Variants in OTUD7A observed in about 807,000 individuals in gnomAD.
The protein encoded by OTUD7A is OTU deubiquitinase 7A.
A neutral mutation model predicts 65.7 loss-of-function variants in OTUD7A; 12 were observed. The ratio of observed to expected loss-of-function variants is 0.18; its 90% CI spans 0.12 to 0.30. OTUD7A has a LOEUF of 0.30. Ranked by LOEUF, OTUD7A falls within the 10% of genes least tolerant of loss-of-function variation. The pLI is 1.00. For missense variants in OTUD7A, 1,148 were observed against 1,304.8 expected (o/e 0.88, Z 1.85); for synonymous variants, 641 against 586.3 (o/e 1.09, Z -1.35).
intron 4 of OTUD7A, among the ~76,000 whole-genome samples, chr15:31,559,940 AC>A: frequency 6.6e-6 from 1 of 152,110 alleles, no homozygotes; most frequent in Non-Finnish European, 1.5e-5. Context: ...ATTAATCACC[AC>A]CACCTGGTAT....
At chr15:31,819,919 A>G (rs1213466759) in intron 1 of OTUD7A, among the ~76,000 whole-genome samples, 9 of 152,140 alleles carry the variant, frequency 5.9e-5, no homozygotes. Flanking sequence ...GAGTAGGTAT[A>G]CAGGCATTTT....
In OTUD7A at chr15:31,484,085, G is replaced by A; in HGVS notation, c.2011C>T (p.Arg671Cys). The change falls in exon 13 of 13, where the codon CGC becomes TGC. Residue 671 changes from arginine to cysteine, a missense_variant. By Grantham distance (180) the Arg-to-Cys change is radical (BLOSUM62 -3). This residue lies in a region of OTUD7A where 842 missense variants were observed against 769.5 expected (regional missense o/e 1.09). Coordinates refer to ENST00000307050, the MANE Select transcript of OTUD7A (RefSeq NM_001382637.1). The surrounding 1 kb of genome is among the most constrained non-coding windows in gnomAD (Gnocchi z 4.5). ...CGCTGCTCCTGCTCGGCGCTGAAGC[G>A]CTCCTGCGCGCTCGTCAGGTAGTAG... Reference protein sequence around the residue: ...IGYYLTSAQERFSAEQEQRRR... With the variant: ...IGYYLTSAQECFSAEQEQRRR... 1 of 1,597,444 alleles carries A rather than the reference G, an allele frequency of 6.3e-7. No individual in the cohort carries two copies. Among genetic ancestry groups the A allele is most frequent in the Admixed American group, 1.7e-5 (1 of 59,590 alleles).
At chr15:31,802,099 A>G (rs545451778) in intron 1 of OTUD7A, among the ~76,000 whole-genome samples, 1,193 of 49,274 alleles carry the variant, frequency 0.024, 15 homozygotes, top group African/African-American at 0.066. Flanking sequence ...ATGTGTGTGT[A>G]TATATGTGTG....
At chr15:31,792,383 T>G (rs946868378) in intron 1 of OTUD7A, among the ~76,000 whole-genome samples, 1 of 152,066 alleles carries the variant, frequency 6.6e-6, no homozygotes, top group Admixed American at 6.6e-5. Context: ...AAACCCATAC[T>G]CCATGGCCAG....
At chr15:31,539,278 T>C (rs1887909950) in intron 5 of OTUD7A, among the ~76,000 whole-genome samples, 2 of 152,116 alleles carry the variant, frequency 1.3e-5, no homozygotes, top group Non-Finnish European at 2.9e-5. Flanking sequence ...ATAGCAGGAC[T>C]TTCCCCTTCC....
intron 1 of OTUD7A, among the ~76,000 whole-genome samples, chr15:31,791,376 T>C (rs548441346): frequency 6.6e-6 from 1 of 152,304 alleles, no homozygotes; most frequent in East Asian, 1.9e-4. Flanking sequence ...AATTTTTTTG[T>C]TAAATATAAG....
At chr15:31,652,108 A>G (rs1396794510) in intron 3 of OTUD7A, among the ~76,000 whole-genome samples, 1 of 152,246 alleles carries the variant, frequency 6.6e-6, no homozygotes, top group Non-Finnish European at 1.5e-5. Flanking sequence ...ACAGAAATCA[A>G]TATGGCACAA....
intron 1 of OTUD7A, among the ~76,000 whole-genome samples, chr15:31,762,022 T>G (rs748361047): frequency 1.8e-4 from 28 of 152,210 alleles, no homozygotes; most frequent in Admixed American, 2.6e-4. Flanking sequence ...TGGTAATGGG[T>G]AAGAATTTCT....
intron 1 of OTUD7A, among the ~76,000 whole-genome samples, chr15:31,663,241 G>T (rs1892216695): frequency 9.3e-6 from 1 of 108,044 alleles, no homozygotes. Context: ...TGGGGTCTTG[G>T]GCTAAACACA....
intron 3 of OTUD7A, among the ~76,000 whole-genome samples, chr15:31,639,817 T>G (rs566399991): frequency 6.6e-6 from 1 of 152,342 alleles, no homozygotes; most frequent in South Asian, 2.1e-4. Flanking sequence ...GTATCTTCTT[T>G]GGTGAAGTCT....
chr15:31,634,172 A>G (rs1294929178), intron 3 of OTUD7A, among the ~76,000 whole-genome samples: 1 of 152,158 alleles, frequency 6.6e-6, no homozygotes, highest in East Asian at 1.9e-4. Flanking sequence ...GTACCCCGTG[A>G]AGGCACATCA....
intron 3 of OTUD7A, among the ~76,000 whole-genome samples, chr15:31,571,706 CTGTTT>C (rs1391270647): frequency 2.8e-4 from 43 of 152,322 alleles, no homozygotes; most frequent in African/African-American, 9.6e-4. Flanking sequence ...TTATAGGTTT[CTGTTT>C]TATGTTTAAC....
intron 3 of OTUD7A, among the ~76,000 whole-genome samples, chr15:31,603,337 A>G (rs1322505179): frequency 6.6e-6 from 1 of 152,234 alleles, no homozygotes; most frequent in East Asian, 1.9e-4. Flanking sequence ...TAAACAAGCA[A>G]TGGGGAAAGG....
intron 1 of OTUD7A, among the ~76,000 whole-genome samples, chr15:31,818,453 TA>T: frequency 6.6e-6 from 1 of 152,364 alleles, no homozygotes; most frequent in East Asian, 1.9e-4. Flanking sequence ...CAGGTGTTAC[TA>T]ACCAAGTGTG....
intron 1 of OTUD7A, among the ~76,000 whole-genome samples, chr15:31,853,657 T>C (rs749308089): frequency 4.6e-5 from 7 of 151,970 alleles, no homozygotes; most frequent in Admixed American, 6.5e-5. Flanking sequence ...AGGCAGCAAA[T>C]GTATGACAGA....
chr15:31,685,386 C>T (rs1247113266), intron 1 of OTUD7A, among the ~76,000 whole-genome samples: 3 of 152,144 alleles, frequency 2.0e-5, no homozygotes, highest in African/African-American at 7.2e-5. Context: ...TGGCTCACGC[C>T]TGTCATCCCA....
intron 1 of OTUD7A, chr15:31,767,360 G>C: frequency 3.9e-6 from 3 of 777,554 alleles, no homozygotes; most frequent in East Asian, 2.4e-5. Flanking sequence ...GAGGTTCAGG[G>C]AGATCTAGAA....
intron 3 of OTUD7A, among the ~76,000 whole-genome samples, chr15:31,615,794 C>T (rs528885028): frequency 1.6e-4 from 25 of 152,234 alleles, no homozygotes; most frequent in South Asian, 2.1e-4. Flanking sequence ...GCTGTGCCAC[C>T]GTGCCCAGGT....
At chr15:31,515,808 CAT>C (rs2041842292) in intron 8 of OTUD7A, among the ~76,000 whole-genome samples, 1 of 150,754 alleles carries the variant, frequency 6.6e-6, no homozygotes, top group African/African-American at 2.4e-5. Context: ...CATCCACCCA[CAT>C]GTCCATCTAT....
Sources: gnomAD v4.1 joint callset for allele counts (sites outside exome capture counted in the v4.1 genomes callset) on GRCh38, gnomAD v4.1.1 for gene constraint, gnomAD v4.1.1 regional missense constraint, Gnocchi (gnomAD v3.1) non-coding constraint, MANE v1.5 for transcripts, NCBI Gene and HGNC (gene_info 2026-07-23, HGNC 2026-07-21) for gene names.